Variants in PATJ observed in about 807,000 individuals in gnomAD.
PATJ encodes inaD-like protein.
A neutral mutation model predicts 224.9 loss-of-function variants in PATJ; 190 were observed. That is an observed-to-expected ratio of 0.84 (90% confidence interval 0.75 to 0.95). The LOEUF is 0.95. Ranked by LOEUF, PATJ falls within the 40% of genes least tolerant of loss-of-function variation. The pLI, the probability that PATJ is intolerant of heterozygous loss-of-function variation, is 0.00. For synonymous variants in PATJ, 769 were observed against 820.3 expected (o/e 0.94, Z 1.07); for missense variants, 2,121 against 2,270.3 (o/e 0.93, Z 1.34).
At chr1:61,745,020 C>T (rs1270879061) in intron 1 of PATJ, among the ~76,000 whole-genome samples, 2 of 152,108 alleles carry the variant, frequency 1.3e-5, no homozygotes. Flanking sequence ...GGCATGCCAC[C>T]CTCCAGGAAC....
At chr1:61,961,301 C>T (rs1268300323) in intron 27 of PATJ, among the ~76,000 whole-genome samples, 1 of 152,152 alleles carries the variant, frequency 6.6e-6, no homozygotes, top group African/African-American at 2.4e-5. Context: ...CACAACCAAT[C>T]ATGGTTGACT....
chr1:61,962,236 ATTAATTT>A (rs1681420831), intron 27 of PATJ, among the ~76,000 whole-genome samples: 1 of 152,126 alleles, frequency 6.6e-6, no homozygotes, highest in Admixed American at 6.6e-5. Flanking sequence ...GTCTATCTTG[ATTAATTT>A]TTAATTCAAC....
chr1:61,871,651 A>G (rs1487393846), intron 20 of PATJ, among the ~76,000 whole-genome samples: 1 of 139,146 alleles, frequency 7.2e-6, no homozygotes, highest in Non-Finnish European at 1.5e-5. Flanking sequence ...CAGCCTCTGT[A>G]TCCTGGGTTC....
chr1:61,846,966 G>C (rs1048049810), intron 17 of PATJ, among the ~76,000 whole-genome samples: 1 of 152,220 alleles, frequency 6.6e-6, no homozygotes, highest in Non-Finnish European at 1.5e-5. Context: ...ATTTCAGCAA[G>C]ATGATGGGGC....
At chr1:61,808,559 G>A in intron 14 of PATJ, 29 bp downstream of exon 14, 1 of 1,489,052 alleles carries the variant, frequency 6.7e-7, no homozygotes, top group Non-Finnish European at 9.4e-7. Context: ...AAAGTTAACA[G>A]TTTTATTTTT....
chr1:61,784,414 G>A (rs1648048601), intron 7 of PATJ, among the ~76,000 whole-genome samples: 1 of 152,158 alleles, frequency 6.6e-6, no homozygotes, highest in African/African-American at 2.4e-5. Flanking sequence ...TGTCATTTTG[G>A]TGTCTTTCTA....
At chr1:61,765,618 A>G (rs1646230487) in intron 3 of PATJ, among the ~76,000 whole-genome samples, 1 of 151,906 alleles carries the variant, frequency 6.6e-6, no homozygotes, top group Admixed American at 6.6e-5. Context: ...CCTTTATTCT[A>G]CTGTTTTGGC....
chr1:61,950,729 T>C (rs1187619001), intron 27 of PATJ, among the ~76,000 whole-genome samples: 7 of 152,246 alleles, frequency 4.6e-5, no homozygotes, highest in Admixed American at 4.6e-4. Context: ...TTTTGTTTGT[T>C]TGTTTTTGGC....
At chr1:61,875,108 G>A (rs540070991) in intron 20 of PATJ, 135 bp from the exon 21 acceptor site, 1 of 556,482 alleles carries the variant, frequency 1.8e-6, no homozygotes, top group Non-Finnish European at 3.2e-6. Context: ...GCTTACCACA[G>A]TATAAACCAT....
At chr1:61,985,610 A>C (rs1644712478) in intron 27 of PATJ, among the ~76,000 whole-genome samples, 2 of 152,168 alleles carry the variant, frequency 1.3e-5, no homozygotes, top group South Asian at 4.1e-4. Flanking sequence ...ACACAATTGT[A>C]AAGCTGTTTG....
At chr1:61,905,312 T>C (rs889183137) in intron 24 of PATJ, among the ~76,000 whole-genome samples, 7 of 152,222 alleles carry the variant, frequency 4.6e-5, no homozygotes, top group African/African-American at 1.7e-4. Context: ...ATAAGGCCAC[T>C]AATCCTATTC....
chr1:62,054,883 C>T (rs1439706835), intron 31 of PATJ, among the ~76,000 whole-genome samples: 1 of 151,914 alleles, frequency 6.6e-6, no homozygotes, highest in Non-Finnish European at 1.5e-5. Context: ...GGTGAAACCC[C>T]ATCTCTACGA....
intron 28 of PATJ, chr1:62,013,425 G>C (rs531365207): frequency 2.0e-6 from 2 of 985,268 alleles, no homozygotes; most frequent in East Asian, 2.3e-4. Context: ...CTGCAACTCA[G>C]CACATCCTCA....
chr1:61,964,928 A>G (rs1215487451), intron 27 of PATJ, among the ~76,000 whole-genome samples: 6 of 151,886 alleles, frequency 4.0e-5, no homozygotes, highest in Non-Finnish European at 7.4e-5. Context: ...ACTAGCCAAC[A>G]TGGTGAAACC....
intron 1 of PATJ, among the ~76,000 whole-genome samples, chr1:61,761,920 A>G (rs1207669348): frequency 6.6e-6 from 1 of 151,902 alleles, no homozygotes; most frequent in Non-Finnish European, 1.5e-5. Context: ...ACTCTGGGGC[A>G]GAAGTGATCC....
intron 30 of PATJ, among the ~76,000 whole-genome samples, chr1:62,041,866 T>TA (rs1324082504): frequency 2.0e-5 from 3 of 151,742 alleles, no homozygotes; most frequent in Non-Finnish European, 2.9e-5. Context: ...TCCTCTCTAC[T>TA]AAAAAATAGA....
At chr1:61,909,145 A>G (rs1038585634) in intron 25 of PATJ, among the ~76,000 whole-genome samples, 1 of 151,916 alleles carries the variant, frequency 6.6e-6, no homozygotes, top group African/African-American at 2.4e-5. Flanking sequence ...ATGCTCCACT[A>G]ATTTTTGTAT....
chr1:61,748,015 G>A (rs1304822705), intron 1 of PATJ, among the ~76,000 whole-genome samples: 1 of 152,032 alleles, frequency 6.6e-6, no homozygotes, highest in Non-Finnish European at 1.5e-5. Flanking sequence ...CAAGTAGCTG[G>A]GATTACAGGC....
At chr1:61,966,128 C>T (rs1682097404) in intron 27 of PATJ, among the ~76,000 whole-genome samples, 1 of 152,108 alleles carries the variant, frequency 6.6e-6, no homozygotes, top group South Asian at 2.1e-4. Flanking sequence ...TCTCGAACTC[C>T]TGACCTTGTG....
Sources: gnomAD v4.1 joint callset for allele counts (sites outside exome capture counted in the v4.1 genomes callset) on GRCh38, gnomAD v4.1.1 for gene constraint, MANE v1.5 for transcripts, NCBI Gene and HGNC (gene_info 2026-07-23, HGNC 2026-07-21) for gene names.